DLGAP2: variants seen among roughly 807,000 people sequenced by gnomAD.
DLGAP2 encodes the protein DLG associated protein 2, also known as disks large-associated protein 2.
Under a neutral mutation model 100.3 loss-of-function variants are expected in DLGAP2, and 26 were observed. That is an observed-to-expected ratio of 0.26 (90% confidence interval 0.19 to 0.36). The LOEUF (loss-of-function observed/expected upper bound fraction) is 0.36, where lower values mean the gene tolerates loss of function less well. Ranked by LOEUF, DLGAP2 falls within the 10% of genes least tolerant of loss-of-function variation. The pLI is 1.00. For missense variants in DLGAP2, 1,858 were observed against 1,453.2 expected, an observed-to-expected ratio of 1.28 and a Z score of -4.53; for synonymous variants, 886 against 630.1, an observed-to-expected ratio of 1.41 and a Z score of -6.08.
chr8:873,566 A>C (rs975694135), intron 1 of DLGAP2, among the ~76,000 whole-genome samples: 3 of 152,170 alleles, frequency 2.0e-5, no homozygotes, highest in African/African-American at 4.8e-5. Context: ...TAATTGCTGC[A>C]TTCATTTTAC....
intron 2 of DLGAP2, among the ~76,000 whole-genome samples, chr8:928,434 C>T (rs974719805): frequency 5.3e-5 from 8 of 152,046 alleles, no homozygotes; most frequent in Admixed American, 4.6e-4. Context: ...TTAGTGTATC[C>T]CAGGCTTCAT....
chr8:893,071 T>G (rs1798069128), intron 1 of DLGAP2: 1 of 152,178 alleles, frequency 6.6e-6, no homozygotes, highest in Non-Finnish European at 1.5e-5. Context: ...GAGGCTGCCT[T>G]TGCCTTTTAC....
At chr8:1,548,585 C>T (rs1300051681) in intron 4 of DLGAP2, 41 bp from the exon 5 acceptor site, 5 of 1,439,728 alleles carry the variant, frequency 3.5e-6, no homozygotes, top group South Asian at 1.4e-5. Context: ...GGGTTTCCGC[C>T]GCGCTTCCGG....
At chr8:1,107,732 C>T (rs918717782) in intron 2 of DLGAP2, among the ~76,000 whole-genome samples, 4 of 152,202 alleles carry the variant, frequency 2.6e-5, no homozygotes, top group Admixed American at 6.5e-5. Flanking sequence ...ATTTGCCATT[C>T]GTCACATTTA....
chr8:1,034,043 A>G (rs376518579), intron 2 of DLGAP2, among the ~76,000 whole-genome samples: 1,997 of 56,114 alleles, frequency 0.036, 3 homozygotes, highest in Middle Eastern at 0.074. Flanking sequence ...GCTCATCCCG[A>G]CCCCGCGTGT....
chr8:906,133 C>T (rs950868334), intron 1 of DLGAP2, among the ~76,000 whole-genome samples: 3 of 152,184 alleles, frequency 2.0e-5, no homozygotes, highest in African/African-American at 4.8e-5. Flanking sequence ...GGAGCAGCAC[C>T]CAGCAGAGCA....
At chr8:1,685,429 T>G (rs1006605704) in intron 12 of DLGAP2, among the ~76,000 whole-genome samples, 2 of 152,196 alleles carry the variant, frequency 1.3e-5, no homozygotes, top group African/African-American at 4.8e-5. Flanking sequence ...CACAGCTTAA[T>G]GGAACGTCCA....
In DLGAP2 at chr8:1,088,129, G is replaced by A. The variant is rs143624364; in HGVS notation, c.74-170722G>A. ...GCTTTGAGAGCTTTGCTTGTTCCAC[G>A]TCACCAAGGCGGCTGCTGGTCCACC... On this transcript the variant is annotated intron_variant, in intron 2 of 14. Coordinates refer to ENST00000637795, the MANE Select transcript of DLGAP2 (RefSeq NM_001346810.2). Among the ~76,000 whole-genome samples the A allele has an allele frequency of 2.0e-3, 300 of 152,326 alleles. 2 individuals are homozygous for A. Among genetic ancestry groups the A allele is most frequent in the African/African-American group, 6.7e-3 (279 of 41,576 alleles).
At chr8:1,135,119 AG>A (rs1270945921) in intron 2 of DLGAP2, among the ~76,000 whole-genome samples, 3 of 152,172 alleles carry the variant, frequency 2.0e-5, no homozygotes, top group Non-Finnish European at 4.4e-5. Context: ...TAACCTGTAA[AG>A]CTTTCTGGGA....
intron 3 of DLGAP2, among the ~76,000 whole-genome samples, chr8:1,339,649 G>A (rs186728837): frequency 6.6e-6 from 1 of 152,208 alleles, no homozygotes; most frequent in Non-Finnish European, 1.5e-5. Context: ...ATGTAATCCT[G>A]TGCATTCTTT....
At chr8:1,206,071 C>A (rs1411247216) in intron 2 of DLGAP2, among the ~76,000 whole-genome samples, 1 of 152,136 alleles carries the variant, frequency 6.6e-6, no homozygotes, top group Non-Finnish European at 1.5e-5. Flanking sequence ...GTCGGGATAT[C>A]TCTGAGCATT....
chr8:1,492,650 G>A (rs1271487071), intron 3 of DLGAP2, among the ~76,000 whole-genome samples: 1 of 152,202 alleles, frequency 6.6e-6, no homozygotes, highest in Non-Finnish European at 1.5e-5. Flanking sequence ...CGTGGAGCAC[G>A]TGACCTGACC....
intron 2 of DLGAP2, among the ~76,000 whole-genome samples, chr8:1,132,399 T>C (rs1045007958): frequency 1.1e-4 from 17 of 152,308 alleles, no homozygotes; most frequent in African/African-American, 4.1e-4. Context: ...TTCTGTAATA[T>C]TACAGTTAAG....
chr8:1,049,416 G>C (rs913840346), intron 2 of DLGAP2, among the ~76,000 whole-genome samples: 2 of 152,120 alleles, frequency 1.3e-5, no homozygotes, highest in Admixed American at 6.5e-5. Flanking sequence ...CATTTGGTCA[G>C]CGGCCACTGT....
At chr8:1,285,800 C>A (rs1033674606) in intron 3 of DLGAP2, among the ~76,000 whole-genome samples, 2 of 152,114 alleles carry the variant, frequency 1.3e-5, no homozygotes, top group Non-Finnish European at 1.5e-5. Flanking sequence ...TAGACTTCTT[C>A]TCTACAAATA....
intron 2 of DLGAP2, among the ~76,000 whole-genome samples, chr8:1,132,458 C>T (rs537425445): frequency 1.3e-5 from 2 of 152,264 alleles, no homozygotes; most frequent in East Asian, 1.9e-4. Context: ...GGTTAAGAAT[C>T]AACTAAATAA....
intron 6 of DLGAP2, among the ~76,000 whole-genome samples, chr8:1,617,807 A>C (rs916981120): frequency 1.3e-5 from 2 of 152,250 alleles, no homozygotes; most frequent in Non-Finnish European, 2.9e-5. Flanking sequence ...TACGAGCTAA[A>C]GCTCAATGTT....
At chr8:818,156 C>T (rs1796520091) in intron 1 of DLGAP2, among the ~76,000 whole-genome samples, 1 of 152,126 alleles carries the variant, frequency 6.6e-6, no homozygotes, top group Admixed American at 6.5e-5. Flanking sequence ...TCAGACTCTC[C>T]TTGGGTGGGG....
At chr8:1,516,448 A>AGACT (rs141434588) in intron 4 of DLGAP2, among the ~76,000 whole-genome samples, 1 of 148,208 alleles carries the variant, frequency 6.7e-6, no homozygotes, top group Non-Finnish European at 1.5e-5. Context: ...ACTGAGGGAA[A>AGACT]GAGTGACTGA....
Sources: gnomAD v4.1 joint callset for allele counts (sites outside exome capture counted in the v4.1 genomes callset) on GRCh38, gnomAD v4.1.1 for gene constraint, MANE v1.5 for transcripts, NCBI Gene and HGNC (gene_info 2026-07-23, HGNC 2026-07-21) for gene names.